CAST: variants seen among roughly 807,000 people sequenced by gnomAD.
The protein encoded by CAST is calpastatin, also known as MIR583 host.
Under a neutral mutation model 119.6 loss-of-function variants are expected in CAST, and 76 were observed. The ratio of observed to expected loss-of-function variants is 0.64; its 90% CI spans 0.53 to 0.77. CAST has a LOEUF of 0.77. Among genes scored for constraint, CAST ranks in the 30% least tolerant of loss-of-function variants. CAST has a pLI of 0.00. For missense variants in CAST, 953 were observed against 946.5 expected (o/e 1.01, Z -0.09); for synonymous variants, 319 against 331.6 (o/e 0.96, Z 0.41).
chr5:96,195,483 C>T, the CAST span, among the ~76,000 whole-genome samples: 1 of 152,142 alleles, frequency 6.6e-6, no homozygotes, highest in Non-Finnish European at 1.5e-5. Flanking sequence ...AAGTGAACTG[C>T]AATATCTTGA....
the CAST span, among the ~76,000 whole-genome samples, chr5:95,975,286 C>A: frequency 4.6e-5 from 7 of 152,136 alleles, no homozygotes; most frequent in Non-Finnish European, 8.8e-5. Context: ...GTTGGCGATA[C>A]CCTAGGGCAG....
At chr5:96,357,559 G>A in the CAST span, among the ~76,000 whole-genome samples, 17 of 152,198 alleles carry the variant, frequency 1.1e-4, no homozygotes, top group East Asian at 1.3e-3. Flanking sequence ...GAATTTTGTC[G>A]AAGGTCTTTT....
the CAST span, among the ~76,000 whole-genome samples, chr5:96,393,848 G>A: frequency 3.3e-5 from 5 of 152,222 alleles, no homozygotes; most frequent in African/African-American, 1.2e-4. Flanking sequence ...CCACTGAGCT[G>A]TAAGAAGTGG....
the CAST span, among the ~76,000 whole-genome samples, chr5:96,174,942 C>T: frequency 1.1e-4 from 16 of 151,978 alleles, no homozygotes; most frequent in African/African-American, 2.9e-4. Context: ...TCAGATTTAT[C>T]TAGGCAAACT....
chr5:96,392,219 T>C, the CAST span: 4 of 151,940 alleles, frequency 2.6e-5, no homozygotes, highest in African/African-American at 9.7e-5. Flanking sequence ...TCTCCCAACA[T>C]TTATTTTGTG....
At chr5:96,494,028 C>T in the CAST span, among the ~76,000 whole-genome samples, 3 of 152,054 alleles carry the variant, frequency 2.0e-5, no homozygotes, top group South Asian at 2.1e-4. Flanking sequence ...AACAAGACTC[C>T]GTCTCAAAAT....
intron 30 of CAST, 50 bp downstream of exon 30, chr5:96,770,652 G>C: frequency 8.2e-7 from 1 of 1,225,208 alleles, no homozygotes; most frequent in South Asian, 1.2e-5. Context: ...GTTACACAGA[G>C]TAGGGTTTAT....
chr5:96,393,741 T>C, the CAST span, among the ~76,000 whole-genome samples: 1 of 152,162 alleles, frequency 6.6e-6, no homozygotes. Context: ...GCAGAGGATA[T>C]CAAAATATCT....
chr5:96,173,386 T>C, the CAST span, among the ~76,000 whole-genome samples: 3,140 of 152,324 alleles, frequency 0.021, 120 homozygotes, highest in African/African-American at 0.073. Context: ...TGACATATAA[T>C]GTAAACAATT....
At chr5:96,276,198 T>C in the CAST span, among the ~76,000 whole-genome samples, 1 of 152,172 alleles carries the variant, frequency 6.6e-6, no homozygotes, top group Non-Finnish European at 1.5e-5. Flanking sequence ...TCCCTCTCCT[T>C]GTCAAGCCAC....
the CAST span, among the ~76,000 whole-genome samples, chr5:95,997,734 C>T: frequency 6.6e-6 from 1 of 152,084 alleles, no homozygotes; most frequent in African/African-American, 2.4e-5. Flanking sequence ...TCTGGGTATT[C>T]CCCAACCTGC....
intron 1 of CAST, among the ~76,000 whole-genome samples, chr5:96,668,060 A>G (rs753377741): frequency 6.6e-6 from 1 of 152,222 alleles, no homozygotes; most frequent in Non-Finnish European, 1.5e-5. Context: ...TGACCTCTTC[A>G]TATACCAATC....
the CAST span, among the ~76,000 whole-genome samples, chr5:96,449,188 C>A: frequency 6.6e-6 from 1 of 152,176 alleles, no homozygotes; most frequent in Non-Finnish European, 1.5e-5. Flanking sequence ...TCCACAGTAA[C>A]TTCTGCCCCT....
At chr5:96,117,397 T>C in the CAST span, among the ~76,000 whole-genome samples, 3 of 152,182 alleles carry the variant, frequency 2.0e-5, no homozygotes, top group Admixed American at 2.0e-4. Flanking sequence ...ACGTTAACCA[T>C]GTCCGTGTAG....
chr5:95,966,185 C>G, the CAST span, among the ~76,000 whole-genome samples: 1 of 152,060 alleles, frequency 6.6e-6, no homozygotes, highest in African/African-American at 2.4e-5. Context: ...AGCAAACATA[C>G]TGTGTTTACT....
the CAST span, among the ~76,000 whole-genome samples, chr5:96,385,704 C>T: frequency 6.6e-6 from 1 of 152,184 alleles, no homozygotes; most frequent in Non-Finnish European, 1.5e-5. Context: ...GGAAGGCATA[C>T]TCTGTTCATG....
chr5:96,534,750 A>G (rs1350135733), intron 1 of CAST, among the ~76,000 whole-genome samples: 1,259 of 32,642 alleles, frequency 0.039, no homozygotes, highest in East Asian at 0.11. Context: ...AGAAAGAAAG[A>G]AAGAAAGAAA....
chr5:96,552,128 C>T (rs543442199), intron 1 of CAST, among the ~76,000 whole-genome samples: 1 of 152,250 alleles, frequency 6.6e-6, no homozygotes, highest in Admixed American at 6.5e-5. Flanking sequence ...CTTCTCAGCA[C>T]CACATCGCAC....
At chr5:96,059,047 C>T in the CAST span, among the ~76,000 whole-genome samples, 1 of 152,260 alleles carries the variant, frequency 6.6e-6, no homozygotes, top group East Asian at 1.9e-4. Flanking sequence ...CTCCCTAAAC[C>T]TCCTGAGCTT....
Sources: gnomAD v4.1 joint callset for allele counts (sites outside exome capture counted in the v4.1 genomes callset) on GRCh38, gnomAD v4.1.1 for gene constraint, MANE v1.5 for transcripts, NCBI Gene and HGNC (gene_info 2026-07-23, HGNC 2026-07-21) for gene names.